Variants in MET observed in about 807,000 individuals in gnomAD.
MET encodes MET proto-oncogene, receptor tyrosine kinase.
A neutral mutation model predicts 133.1 loss-of-function variants in MET; 48 were observed. The observed-to-expected ratio is 0.36, with a 90% confidence interval of 0.29 to 0.46. The LOEUF is 0.46. Ranked by LOEUF, MET falls within the 20% of genes least tolerant of loss-of-function variation. The pLI, the probability that MET is intolerant of heterozygous loss-of-function variation, is 1.00. For missense variants in MET, 1,442 were observed against 1,695.9 expected, an observed-to-expected ratio of 0.85 and a Z score of 2.63; for synonymous variants, 628 against 616.5, an observed-to-expected ratio of 1.02 and a Z score of -0.28.
chr7:116,677,973 CTCTCTCTCTCTCTG>C (rs61293424), intron 1 of MET, among the ~76,000 whole-genome samples: 89,477 of 150,944 alleles, frequency 0.59, 27,993 homozygotes, highest in African/African-American at 0.81. Flanking sequence ...TTGTCTTTCT[CTCTCTCTCTCTCTG>C]TCTCTCTCTC....
chr7:116,685,872 CCAT>C (rs1796533027), intron 1 of MET, among the ~76,000 whole-genome samples: 1 of 152,006 alleles, frequency 6.6e-6, no homozygotes, highest in Non-Finnish European at 1.5e-5. Flanking sequence ...AGATCTGACT[CCAT>C]CAGTAAATCC....
rs74994656 is a variant in MET, at chr7:116,769,636, T to C, written c.2584-9T>C. 1.9e-4 allele frequency: 303 copies of C among 1,601,322 alleles called. No individual in the cohort carries two copies. In the African/African-American group the frequency reaches 3.5e-3, roughly 18 times the overall value. On this transcript the variant is annotated splice_polypyrimidine_tract_variant and intron_variant, in intron 11 of 20. Coordinates refer to ENST00000397752, the MANE Select transcript of MET (RefSeq NM_000245.4). ...TGTTAACAACCTTTTTTTTTTTTTTTCCTTTCAGGGAAATGATATTGACCC... is the reference window on the plus strand; with the variant it reads ...TGTTAACAACCTTTTTTTTTTTTTTCCCTTTCAGGGAAATGATATTGACCC...
intron 19 of MET, among the ~76,000 whole-genome samples, chr7:116,793,646 C>A (rs531681160): frequency 2.0e-5 from 3 of 152,050 alleles, no homozygotes; most frequent in East Asian, 3.9e-4. Context: ...TGCCTGTAAT[C>A]CCAGCACTTT....
intron 1 of MET, among the ~76,000 whole-genome samples, chr7:116,676,055 T>C (rs1337171565): frequency 1.3e-5 from 2 of 152,210 alleles, no homozygotes; most frequent in African/African-American, 4.8e-5. Context: ...CTGTAAAACT[T>C]AATTGAGAGA....
At chr7:116,688,886 G>C (rs1796672007) in intron 1 of MET, among the ~76,000 whole-genome samples, 1 of 152,142 alleles carries the variant, frequency 6.6e-6, no homozygotes, top group African/African-American at 2.4e-5. Context: ...ATAAGAATCT[G>C]AATAAAAGCA....
intron 3 of MET, among the ~76,000 whole-genome samples, chr7:116,739,513 C>T (rs1042321479): frequency 7.2e-5 from 11 of 152,118 alleles, no homozygotes; most frequent in African/African-American, 1.9e-4. Flanking sequence ...TTCCAGACTC[C>T]GCGTCCACTA....
intron 19 of MET, among the ~76,000 whole-genome samples, chr7:116,785,121 C>G (rs965677344): frequency 6.6e-6 from 1 of 152,228 alleles, no homozygotes; most frequent in African/African-American, 2.4e-5. Context: ...CACGCTGATG[C>G]AAGGGATGGG....
chr7:116,735,744 A>C (rs1793185944), intron 3 of MET, among the ~76,000 whole-genome samples: 4 of 150,178 alleles, frequency 2.7e-5, no homozygotes. Flanking sequence ...GTACATCATT[A>C]ACTTAGTTTT....
At chr7:116,726,529 A>G (rs1469731457) in intron 2 of MET, among the ~76,000 whole-genome samples, 3 of 151,974 alleles carry the variant, frequency 2.0e-5, no homozygotes, top group African/African-American at 2.4e-5. Context: ...GAACTCGTAA[A>G]GAGAGATTTT....
chr7:116,715,375 C>A (rs1008069096), intron 2 of MET, among the ~76,000 whole-genome samples: 1 of 152,208 alleles, frequency 6.6e-6, no homozygotes, highest in East Asian at 1.9e-4. Context: ...GTTGTGGCAG[C>A]TTTACTCCCC....
rs1792852710 is a variant in MET, at chr7:116,727,820, A to C, written c.1201-3848A>C. ...CCCCGTCTTTTCCACACAAATGAGC[A>C]GCAAACATATTTGCTGATTATCTTT... is the stretch of plus-strand genomic sequence containing the variant. On this transcript the variant is annotated intron_variant, in intron 2 of 20. Coordinates refer to ENST00000397752, the MANE Select transcript of MET (RefSeq NM_000245.4). 2.6e-5 allele frequency among the ~76,000 whole-genome samples: 4 copies of C among 152,250 alleles called. No homozygotes were observed. The South Asian group carries it at 8.3e-4, about 32-fold the overall frequency.
chr7:116,764,646 T>A (rs930736533), intron 11 of MET, among the ~76,000 whole-genome samples: 1 of 152,158 alleles, frequency 6.6e-6, no homozygotes, highest in Admixed American at 6.5e-5. Flanking sequence ...AAATACCCAT[T>A]ATTCAACATC....
At chr7:116,695,748 AGGGT>A (rs1214323810) in intron 1 of MET, 2 of 488,218 alleles carry the variant, frequency 4.1e-6, no homozygotes, top group South Asian at 3.1e-5. Context: ...CCTTCTTCAC[AGGGT>A]GGTGATGAAG....
chr7:116,676,143 A>T (rs1283452666), intron 1 of MET, among the ~76,000 whole-genome samples: 1 of 152,246 alleles, frequency 6.6e-6, no homozygotes, highest in Non-Finnish European at 1.5e-5. Flanking sequence ...TCACATACCC[A>T]GGTACACATA....
chr7:116,759,293 C>A, intron 9 of MET, 98 bp from the exon 10 acceptor site: 1 of 1,542,096 alleles, frequency 6.5e-7, no homozygotes, highest in Non-Finnish European at 8.8e-7. Flanking sequence ...GTGCCTCTGA[C>A]CTGTAATCAG....
chr7:116,674,052 A>G (rs911722528), intron 1 of MET, among the ~76,000 whole-genome samples: 1 of 152,250 alleles, frequency 6.6e-6, no homozygotes, highest in Admixed American at 6.5e-5. Flanking sequence ...TTCAAACTTA[A>G]TGGTGTATAA....
chr7:116,787,434 T>A (rs1339884859), intron 19 of MET, among the ~76,000 whole-genome samples: 1 of 149,746 alleles, frequency 6.7e-6, no homozygotes, highest in Non-Finnish European at 1.5e-5. Flanking sequence ...TGGCCCACAG[T>A]TCTGGAGGCC....
intron 11 of MET, among the ~76,000 whole-genome samples, chr7:116,763,768 A>T (rs920936580): frequency 1.2e-4 from 19 of 152,240 alleles, no homozygotes; most frequent in African/African-American, 4.6e-4. Context: ...ATGTAATTTA[A>T]TAGAGAATAA....
chr7:116,768,879 T>C (rs1436861547), intron 11 of MET, among the ~76,000 whole-genome samples: 3 of 152,172 alleles, frequency 2.0e-5, no homozygotes, highest in Non-Finnish European at 4.4e-5. Flanking sequence ...ACGTTGATAT[T>C]TTTAAAATGC....
Sources: gnomAD v4.1 joint callset for allele counts (sites outside exome capture counted in the v4.1 genomes callset) on GRCh38, gnomAD v4.1.1 for gene constraint, MANE v1.5 for transcripts, NCBI Gene and HGNC (gene_info 2026-07-23, HGNC 2026-07-21) for gene names.